The following CACNA1C variants were observed in gnomAD, a reference collection of about 807,000 sequenced individuals.
The protein encoded by CACNA1C is calcium voltage-gated channel subunit alpha1 C.
In CACNA1C, 30 loss-of-function variants were observed where a neutral mutation model predicts 229.0. The observed-to-expected ratio is 0.13, with a 90% CI of 0.10 to 0.18. The LOEUF (loss-of-function observed/expected upper bound fraction) is 0.18. Among genes scored for constraint, CACNA1C ranks in the 10% least tolerant of loss-of-function variants. CACNA1C has a pLI of 1.00. For missense variants in CACNA1C, 1,658 were observed against 2,845.0 expected (o/e 0.58, Z 9.49); for synonymous variants, 1,114 against 1,132.5 (o/e 0.98, Z 0.33).
chr12:2,032,367 C>T (rs578037080), intron 1 of CACNA1C, among the ~76,000 whole-genome samples: 47 of 152,282 alleles, frequency 3.1e-4, no homozygotes, highest in Non-Finnish European at 5.9e-4. Flanking sequence ...TTAGCACACC[C>T]GGCCAGGAGG....
At chr12:2,284,672 A>T (rs749717889) in intron 3 of CACNA1C, among the ~76,000 whole-genome samples, 1 of 152,236 alleles carries the variant, frequency 6.6e-6, no homozygotes, top group Non-Finnish European at 1.5e-5. Flanking sequence ...AATTTACCAT[A>T]ATTCCGGCCT....
chr12:2,476,948 T>G (rs1436316578), intron 5 of CACNA1C, among the ~76,000 whole-genome samples: 1 of 152,240 alleles, frequency 6.6e-6, no homozygotes, highest in Non-Finnish European at 1.5e-5. Flanking sequence ...GAAGCTTCTT[T>G]TCCCAGTAAG....
chr12:2,398,710 G>C (rs1465457350), intron 3 of CACNA1C, among the ~76,000 whole-genome samples: 1 of 152,174 alleles, frequency 6.6e-6, no homozygotes. Context: ...GGGGAGCGTG[G>C]GTCCAGGGGA....
chr12:2,387,474 G>T (rs2098412501), intron 3 of CACNA1C, among the ~76,000 whole-genome samples: 1 of 151,618 alleles, frequency 6.6e-6, no homozygotes, highest in African/African-American at 2.4e-5. Context: ...GACAGATCAA[G>T]ACTCCATCTC....
intron 3 of CACNA1C, among the ~76,000 whole-genome samples, chr12:2,270,701 G>C (rs186847244): frequency 2.0e-4 from 31 of 152,296 alleles, no homozygotes; most frequent in African/African-American, 7.5e-4. Flanking sequence ...GTTTAAGCTT[G>C]GCCATGGGAT....
chr12:2,602,921 G>C lies in CACNA1C; in HGVS notation c.2960+961G>C, dbSNP rs2073453869. On this transcript the variant is annotated intron_variant, in intron 22 of 46. Coordinates refer to ENST00000399655, the MANE Select transcript of CACNA1C (RefSeq NM_000719.7). The surrounding 1 kb of genome is among the most constrained non-coding windows in gnomAD (Gnocchi z 4.4). ...GGGGAGACGGGGCAAGTGTTATCAT[G>C]ATTGTATAGATGGGAAATTTGGAGT... Among the ~76,000 whole-genome samples the C allele has an allele frequency of 6.6e-6, 1 of 152,138 alleles. No individual in the cohort carries two copies. Among genetic ancestry groups the C allele is most frequent in the Admixed American group, 6.5e-5 (1 of 15,278 alleles).
intron 3 of CACNA1C, among the ~76,000 whole-genome samples, chr12:2,281,294 C>T (rs560968680): frequency 6.6e-6 from 1 of 152,238 alleles, no homozygotes; most frequent in African/African-American, 2.4e-5. Context: ...TACATTGTTA[C>T]TATTTTTGTT....
chr12:2,107,453 C>T (rs1461496830), intron 1 of CACNA1C, among the ~76,000 whole-genome samples: 1 of 92,828 alleles, frequency 1.1e-5, no homozygotes, highest in Non-Finnish European at 2.2e-5. Flanking sequence ...GTGCTGAAAC[C>T]ACTGGGCGCC....
chr12:2,164,890 CGTCATTGAA>C (rs2096129045), intron 3 of CACNA1C, among the ~76,000 whole-genome samples: 1 of 152,142 alleles, frequency 6.6e-6, no homozygotes, highest in South Asian at 2.1e-4. Flanking sequence ...TGGCAGTCAT[CGTCATTGAA>C]GTGGGGAGGG....
chr12:2,465,146 T>C (rs1438381243), intron 5 of CACNA1C, among the ~76,000 whole-genome samples: 1 of 152,220 alleles, frequency 6.6e-6, no homozygotes, highest in Admixed American at 6.5e-5. Flanking sequence ...TTATAGTAAG[T>C]GCTCAGTTAA....
intron 1 of CACNA1C, chr12:1,992,025 A>C: frequency 3.2e-6 from 1 of 317,256 alleles, no homozygotes; most frequent in Non-Finnish European, 6.6e-6. Flanking sequence ...AAACAATTCA[A>C]ACTATAAACA....
intron 9 of CACNA1C, among the ~76,000 whole-genome samples, chr12:2,545,136 C>G (rs11062268): frequency 0.2 from 29,647 of 151,776 alleles, 3,697 homozygotes; most frequent in African/African-American, 0.36. Flanking sequence ...CACTTTTCCT[C>G]ACACATCACA....
chr12:2,341,885 C>T (rs1050677182), intron 3 of CACNA1C, among the ~76,000 whole-genome samples: 2 of 152,174 alleles, frequency 1.3e-5, no homozygotes, highest in African/African-American at 4.8e-5. Context: ...GATTTCAGCC[C>T]ATCGGCACAA....
intron 3 of CACNA1C, among the ~76,000 whole-genome samples, chr12:2,432,592 C>T (rs1320918561): frequency 1.3e-5 from 2 of 152,148 alleles, no homozygotes; most frequent in Non-Finnish European, 1.5e-5. Flanking sequence ...CAAGGCCAGG[C>T]CTGGGAGACA....
chr12:2,370,505 C>T (rs2055564399), intron 3 of CACNA1C, among the ~76,000 whole-genome samples: 1 of 152,154 alleles, frequency 6.6e-6, no homozygotes, highest in Non-Finnish European at 1.5e-5. Context: ...GCTAATAAAA[C>T]TTATGTTTTT....
rs2096892419 is a variant in CACNA1C, at chr12:2,677,650, AG to A, written c.4957-81del. 2 of 1,484,798 alleles carry A rather than the reference AG, an allele frequency of 1.3e-6. No individual in the cohort carries two copies. 92.0% of individuals were successfully genotyped at this position (1,484,798 alleles called of 1,614,324 possible). On this transcript the variant is annotated intron_variant, in intron 40 of 46. Coordinates refer to ENST00000399655, the MANE Select transcript of CACNA1C (RefSeq NM_000719.7). The surrounding 1 kb of genome is among the most constrained non-coding windows in gnomAD (Gnocchi z 7.4). Reference sequence around the variant, plus strand: ...GAGGATGCCAGGGCCCTGGAGGGACAGGTCTTGGCCCGAGGCTGTGGCTGGC... The same window carrying A: ...GAGGATGCCAGGGCCCTGGAGGGACAGTCTTGGCCCGAGGCTGTGGCTGGC...
chr12:2,031,851 A>G (rs1462539387), intron 1 of CACNA1C, among the ~76,000 whole-genome samples: 5 of 152,210 alleles, frequency 3.3e-5, no homozygotes, highest in Admixed American at 2.0e-4. Flanking sequence ...CTCCTGAGCA[A>G]CAGTGGCAGG....
chr12:2,427,398 C>A (rs1460909647), intron 3 of CACNA1C, among the ~76,000 whole-genome samples: 1 of 152,052 alleles, frequency 6.6e-6, no homozygotes, highest in African/African-American at 2.4e-5. Context: ...AAGTTGGCAA[C>A]CCTGTGTCCA....
intron 5 of CACNA1C, among the ~76,000 whole-genome samples, chr12:2,476,623 T>C (rs1320410035): frequency 6.6e-6 from 1 of 152,214 alleles, no homozygotes; most frequent in Non-Finnish European, 1.5e-5. Flanking sequence ...TATCTTTTTC[T>C]CTGAATTTCT....
Sources: allele counts gnomAD v4.1 joint callset (sites outside exome capture counted in the v4.1 genomes callset), GRCh38; gene constraint gnomAD v4.1.1; non-coding constraint Gnocchi (gnomAD v3.1); transcripts MANE v1.5; gene names NCBI Gene and HGNC (gene_info 2026-07-23, HGNC 2026-07-21).